The following CNTN6 variants were observed in gnomAD, a reference collection of about 807,000 sequenced individuals.
The protein encoded by CNTN6 is contactin 6, also known as contactin-6.
CNTN6 carries 137 observed loss-of-function variants against 122.8 expected under a neutral mutation model. The observed-to-expected ratio is 1.12, with a 90% CI of 0.97 to 1.29. The LOEUF (loss-of-function observed/expected upper bound fraction) is 1.29, where lower values mean the gene tolerates loss of function less well. Among genes scored for constraint, CNTN6 ranks in the 50% most tolerant of loss-of-function variants. The pLI is 0.00. For missense variants in CNTN6, 1,634 were observed against 1,223.4 expected, an observed-to-expected ratio of 1.34 and a Z score of -5.01; for synonymous variants, 570 against 426.0, an observed-to-expected ratio of 1.34 and a Z score of -4.16.
At chr3:1,109,965 A>T (rs991376786) in intron 1 of CNTN6, among the ~76,000 whole-genome samples, 2 of 151,980 alleles carry the variant, frequency 1.3e-5, no homozygotes, top group South Asian at 4.1e-4. Flanking sequence ...CTGCTGACTC[A>T]GTTTTGAACT....
intron 4 of CNTN6, among the ~76,000 whole-genome samples, chr3:1,259,802 T>C (rs2094815187): frequency 6.6e-6 from 1 of 152,170 alleles, no homozygotes; most frequent in Non-Finnish European, 1.5e-5. Context: ...TAGACATGCT[T>C]GTATAGATGT....
intron 2 of CNTN6, among the ~76,000 whole-genome samples, chr3:1,201,596 A>G (rs542962775): frequency 6.6e-6 from 1 of 152,262 alleles, no homozygotes; most frequent in African/African-American, 2.4e-5. Context: ...AACAACCCCA[A>G]CATCAATTCC....
At chr3:1,107,452 T>C (rs547973120) in intron 1 of CNTN6, among the ~76,000 whole-genome samples, 6 of 152,272 alleles carry the variant, frequency 3.9e-5, no homozygotes, top group South Asian at 2.1e-4. Flanking sequence ...TTCATGTAGA[T>C]GTCAAAGATG....
intron 1 of CNTN6, among the ~76,000 whole-genome samples, chr3:1,132,855 G>C (rs866627418): frequency 1.1e-4 from 17 of 152,012 alleles, no homozygotes; most frequent in Admixed American, 6.6e-4. Flanking sequence ...ATTTAAAAAA[G>C]TCTTATGTGT....
chr3:1,093,532 T>C (rs989169890), intron 1 of CNTN6, among the ~76,000 whole-genome samples: 2 of 152,034 alleles, frequency 1.3e-5, no homozygotes, highest in African/African-American at 4.8e-5. Flanking sequence ...TTTGTCTTTT[T>C]TTTTTTTTTA....
At chr3:1,373,816 A>G in intron 15 of CNTN6, 54 bp downstream of exon 15, 1 of 1,500,108 alleles carries the variant, frequency 6.7e-7, no homozygotes, top group Non-Finnish European at 8.9e-7. Context: ...TAGTCCAATA[A>G]TTTTAATAAA....
Position 1,372,901 on chromosome 3 carries a change from A to G in CNTN6, c.1732A>G (p.Thr578Ala), listed in dbSNP as rs1445508432. ...ACATCATTCAGGAAAATATCTCTGC[A>G]CAGTACAAACAACCCTAGAAAGTTT... Reference protein sequence around the residue: ...QLHHSGKYLCTVQTTLESLSA... With the variant: ...QLHHSGKYLCAVQTTLESLSA... The change falls in exon 14 of 23, where the codon ACA becomes GCA. Residue 578 changes from threonine to alanine, a missense_variant. By Grantham distance (58) the Thr-to-Ala change is moderately conservative. Transcript: ENST00000446702. The G allele has an allele frequency of 1.9e-6, 3 of 1,610,202 alleles. No homozygotes were observed. Among genetic ancestry groups the G allele is most frequent in the Admixed American group, 1.7e-5 (1 of 59,626 alleles).
intron 2 of CNTN6, among the ~76,000 whole-genome samples, chr3:1,168,019 T>A (rs138302594): frequency 2.8e-4 from 43 of 152,166 alleles, no homozygotes; most frequent in African/African-American, 1.0e-3. Flanking sequence ...CACTTCTACT[T>A]CCCTCAGCCT....
At chr3:1,125,053 A>C (rs1301527556) in intron 1 of CNTN6, among the ~76,000 whole-genome samples, 1 of 152,004 alleles carries the variant, frequency 6.6e-6, no homozygotes, top group African/African-American at 2.4e-5. Context: ...TGAATAAATC[A>C]GCCTAAATTT....
At chr3:1,398,706 ATTCGT>A (rs147779656) in intron 20 of CNTN6, among the ~76,000 whole-genome samples, 7,451 of 152,136 alleles carry the variant, frequency 0.049, 339 homozygotes, top group East Asian at 0.097. Flanking sequence ...ATTAGGAGTT[ATTCGT>A]TTCATTTTAT....
intron 2 of CNTN6, among the ~76,000 whole-genome samples, chr3:1,159,370 C>A (rs1469003232): frequency 6.6e-6 from 1 of 152,020 alleles, no homozygotes; most frequent in Non-Finnish European, 1.5e-5. Context: ...CTGGGTGGGA[C>A]AGACTGGAAT....
intron 1 of CNTN6, among the ~76,000 whole-genome samples, chr3:1,108,046 C>T (rs2091307972): frequency 1.3e-5 from 2 of 152,106 alleles, no homozygotes; most frequent in African/African-American, 2.4e-5. Context: ...TTACCCTAGA[C>T]ATAGATAGCT....
At chr3:1,316,905 G>A (rs538538172) in intron 7 of CNTN6, among the ~76,000 whole-genome samples, 2 of 152,002 alleles carry the variant, frequency 1.3e-5, no homozygotes, top group African/African-American at 4.8e-5. Flanking sequence ...AGTTTATTTA[G>A]TGTCTTCATA....
intron 20 of CNTN6, among the ~76,000 whole-genome samples, chr3:1,395,756 C>G (rs1170661926): frequency 6.6e-6 from 1 of 152,180 alleles, no homozygotes; most frequent in African/African-American, 2.4e-5. Context: ...ATTTTGCTTA[C>G]CACAGTTTCA....
intron 8 of CNTN6, among the ~76,000 whole-genome samples, chr3:1,322,938 G>T (rs1701062480): frequency 6.6e-6 from 1 of 151,588 alleles, no homozygotes; most frequent in African/African-American, 2.4e-5. Context: ...AGTATCCTTT[G>T]TAAATAAAAT....
chr3:1,353,895 C>G (rs1423614524), intron 12 of CNTN6, among the ~76,000 whole-genome samples: 2 of 151,352 alleles, frequency 1.3e-5, no homozygotes, highest in African/African-American at 2.4e-5. Context: ...TCAGCAGTAG[C>G]AATGTAGTTT....
At chr3:1,314,866 A>AT (rs1699873646) in intron 7 of CNTN6, among the ~76,000 whole-genome samples, 1 of 152,086 alleles carries the variant, frequency 6.6e-6, no homozygotes, top group Non-Finnish European at 1.5e-5. Context: ...TAGGAACAAA[A>AT]TAAGAAAAGG....
At chr3:1,386,214 TTAA>T (rs775926470) in intron 20 of CNTN6, among the ~76,000 whole-genome samples, 42 of 151,384 alleles carry the variant, frequency 2.8e-4, no homozygotes, top group East Asian at 9.6e-4. Context: ...AAAGAGATTA[TTAA>T]TAATAAGTGT....
chr3:1,393,787 AATC>A (rs1694596568), intron 20 of CNTN6, among the ~76,000 whole-genome samples: 1 of 152,162 alleles, frequency 6.6e-6, no homozygotes, highest in Non-Finnish European at 1.5e-5. Flanking sequence ...ACACTGAACT[AATC>A]ATTTACCTCA....
Sources: allele counts gnomAD v4.1 joint callset (sites outside exome capture counted in the v4.1 genomes callset), GRCh38; gene constraint gnomAD v4.1.1; transcripts MANE v1.5; gene names NCBI Gene and HGNC (gene_info 2026-07-23, HGNC 2026-07-21).